ERCC6L: variants seen among roughly 807,000 people sequenced by gnomAD.
ERCC6L encodes DNA excision repair protein ERCC-6-like.
In ERCC6L, 7 loss-of-function variants were observed where a neutral mutation model predicts 20.1. The ratio of observed to expected loss-of-function variants is 0.35; its 90% CI spans 0.20 to 0.65. ERCC6L has a LOEUF of 0.65. Ranked by LOEUF, ERCC6L falls within the 30% of genes least tolerant of loss-of-function variation. The probability of loss-of-function intolerance (pLI) is 0.69; values close to 1 mark genes in which losing one functional copy is unlikely to be tolerated. For synonymous variants in ERCC6L, 278 were observed against 331.3 expected (o/e 0.84, Z 1.75); for missense variants, 592 against 892.4 (o/e 0.66, Z 4.29).
chrX:72,226,785 A>G (rs912345696), intron 1 of ERCC6L, among the ~76,000 whole-genome samples: 2 of 111,591 alleles, frequency 1.8e-5, no homozygotes, highest in Admixed American at 1.9e-4. Flanking sequence ...AACTAATCAC[A>G]GCGGGGGCAC....
At chrX:72,236,362 C>A (rs1438155999) in intron 1 of ERCC6L, among the ~76,000 whole-genome samples, 2 of 111,251 alleles carry the variant, frequency 1.8e-5, no homozygotes. Context: ...GCAGTGGCGC[C>A]ATCTCAGCTC....
At chrX:72,209,277 C>T (rs1287657100) in intron 1 of ERCC6L, among the ~76,000 whole-genome samples, 5 of 111,718 alleles carry the variant, frequency 4.5e-5, no homozygotes, top group African/African-American at 1.3e-4. Flanking sequence ...CACCTATGTG[C>T]TCATGACTCT....
rs368694497 is a variant in ERCC6L at position 72,206,288 on chromosome X, T to C, written c.2479A>G (p.Asn827Asp). The C allele has an allele frequency of 2.2e-5, 27 of 1,206,416 alleles. No individual in the cohort carries two copies. Among genetic ancestry groups the C allele is most frequent in the Non-Finnish European group, 3.0e-5 (27 of 893,702 alleles). The change falls in exon 2 of 2, where the codon AAC becomes GAC. Residue 827 changes from asparagine to aspartate, a missense_variant. This residue lies in a region of ERCC6L where 352 missense variants were observed against 402.6 expected (regional missense o/e 0.87). Coordinates refer to ENST00000334463, the MANE Select transcript of ERCC6L (RefSeq NM_017669.4). ...GFGSVEELCT[N>D]SSLGMEKSFA... ...CTTTTTTCCATTCCCAATGAAGAGTTAGTACAAAGTTCTTCTACACTTCCA... is the reference window on the plus strand; with the variant it reads ...CTTTTTTCCATTCCCAATGAAGAGTCAGTACAAAGTTCTTCTACACTTCCA...
chrX:72,227,875 C>T (rs1236760893), intron 1 of ERCC6L, among the ~76,000 whole-genome samples: 2 of 112,594 alleles, frequency 1.8e-5, no homozygotes, highest in East Asian at 2.8e-4. Flanking sequence ...ATCGGCCAGC[C>T]GTAATAAAGA....
At chrX:72,212,096 GA>G (rs1389710498) in intron 1 of ERCC6L, among the ~76,000 whole-genome samples, 1 of 109,968 alleles carries the variant, frequency 9.1e-6, no homozygotes, top group Admixed American at 9.7e-5. Flanking sequence ...CCAACATGGT[GA>G]AACCCCGTCT....
intron 1 of ERCC6L, among the ~76,000 whole-genome samples, chrX:72,218,060 G>A (rs2042897018): frequency 9.0e-6 from 1 of 110,754 alleles, no homozygotes; most frequent in Non-Finnish European, 1.9e-5. Flanking sequence ...CAGGAGGTCA[G>A]GAGATCGAGA....
chrX:72,231,174 G>A (rs1472355655), intron 1 of ERCC6L, among the ~76,000 whole-genome samples: 1 of 112,034 alleles, frequency 8.9e-6, no homozygotes, highest in Non-Finnish European at 1.9e-5. Context: ...AACAACCAAA[G>A]TCACCATCAA....
Position 72,238,929 on chromosome X carries a change from C to G in ERCC6L, c.-18G>C. 8.5e-7 allele frequency: 1 copy of G among 1,175,415 alleles called. No individual in the cohort carries two copies. Among genetic ancestry groups the G allele is most frequent in the Non-Finnish European group, 1.1e-6 (1 of 873,679 alleles). ...GCCTCCATGACCCTCGGATTGGGTT[C>G]CAGTTACCCCGGCGGGAGTTTGGAG... is the stretch of plus-strand genomic sequence containing the variant. On this transcript the variant is annotated 5_prime_UTR_variant, in exon 1 of 2. Coordinates refer to ENST00000334463, the MANE Select transcript of ERCC6L (RefSeq NM_017669.4).
intron 1 of ERCC6L, among the ~76,000 whole-genome samples, chrX:72,232,273 T>TAAA (rs56070381): frequency 9.8e-5 from 6 of 61,411 alleles, no homozygotes; most frequent in African/African-American, 1.5e-4. Flanking sequence ...GAAGGAGTAT[T>TAAA]AAAAAAAAAA....
Position 72,205,142 on chromosome X carries a change from C to T in ERCC6L, c.3625G>A (p.Glu1209Lys). ...DYETLVKRGK[E>K]LKECGKIQEA... The stretch of plus-strand genomic sequence containing the variant: ...TGGATTTTTCCACACTCTTTTAGTT[C>T]TTTTCCACGCTTTACAAGAGTCTCA... Residue 1209 changes from glutamate to lysine, a missense_variant, in exon 2 of 2, where the codon GAA (glutamate) becomes AAA (lysine). Physicochemically the swap from Glu to Lys is moderately conservative, Grantham distance 56. Around this residue, in one of 3 missense-constraint regions of ERCC6L, gnomAD observed 352 missense variants for 402.6 expected, o/e 0.87. Transcript: ENST00000334463. 8.3e-7 allele frequency: 1 copy of T among 1,211,328 alleles called. No individual in the cohort carries two copies. The highest frequency in any genetic ancestry group is 1.1e-6 in the Non-Finnish European group (1 of 895,418).
chrX:72,211,536 C>T (rs1419235074), intron 1 of ERCC6L, among the ~76,000 whole-genome samples: 1 of 111,909 alleles, frequency 8.9e-6, no homozygotes. Context: ...TCTCCCCAAA[C>T]ACGTGAGGAT....
intron 1 of ERCC6L, among the ~76,000 whole-genome samples, chrX:72,222,619 A>G (rs1363820006): frequency 3.5e-5 from 3 of 86,063 alleles, no homozygotes; most frequent in African/African-American, 1.4e-4. Context: ...TTTTTTTTAG[A>G]TGGAGTCTCA....
Position 72,208,371 on chromosome X carries a change from G to C in ERCC6L, c.396C>G (p.Ile132Met). ...CAAACATACCGGAAAGGAAAGCAAT[G>C]ATTTGAACAGTCTTCCCTAATCCCA... The part of the protein sequence containing the change: ...DDMGLGKTVQ[I>M]IAFLSGMFDA... The change falls in exon 2 of 2, where the codon ATC becomes ATG. Residue 132 changes from isoleucine (I) to methionine (M), a missense_variant. Physicochemically the swap from Ile to Met is conservative, Grantham distance 10. This residue lies in a region of ERCC6L where 196 missense variants were observed against 440.1 expected (regional missense o/e 0.45). Coordinates refer to ENST00000334463, the MANE Select transcript of ERCC6L (RefSeq NM_017669.4). 8.3e-7 allele frequency: 1 copy of C among 1,211,568 alleles called. No homozygotes were observed. The highest frequency in any genetic ancestry group is 1.1e-6 in the Non-Finnish European group (1 of 895,335).
chrX:72,205,447 A>G lies in ERCC6L; in HGVS notation c.3320T>C (p.Val1107Ala). 1 of 1,211,703 alleles carries G rather than the reference A, an allele frequency of 8.3e-7. No individual in the cohort carries two copies. Reference protein sequence around the residue: ...RSLINMVLDHVEDMEERLDDS... With the variant: ...RSLINMVLDHAEDMEERLDDS... ...GTCAAGTCTTTCCTCCATGTCCTCCACGTGGTCTAAAACCATATTAATAAG... is the reference window on the plus strand; with the variant it reads ...GTCAAGTCTTTCCTCCATGTCCTCCGCGTGGTCTAAAACCATATTAATAAG... The change falls in exon 2 of 2, where the codon GTG becomes GCG. Residue 1107 changes from valine to alanine, a missense_variant. Val to Ala is a moderately conservative substitution (Grantham distance 64). This residue lies in a region of ERCC6L where 352 missense variants were observed against 402.6 expected (regional missense o/e 0.87). Transcript: ENST00000334463.
chrX:72,205,067 G>A lies in ERCC6L; in HGVS notation c.3700C>T (p.Pro1234Ser), dbSNP rs749928252. 7.4e-5 allele frequency: 89 copies of A among 1,208,775 alleles called. 1 individual carries two copies. In the Admixed American group the frequency reaches 1.8e-3, roughly 25 times the overall value. Residue 1234 changes from proline to serine, a missense_variant, in exon 2 of 2, where the codon CCT becomes TCT. Physicochemically the swap from Pro to Ser is moderately conservative, Grantham distance 74 (BLOSUM62 -1). Transcript: ENST00000334463. The part of the protein sequence containing the change: ...VKALDIKSAD[P>S]EVMLLTLSLY... ...CTTAAAGTCAAGAGCATAACTTCAG[G>A]ATCTGCACTTTTTATGTCAAGCGCT...
intron 1 of ERCC6L, among the ~76,000 whole-genome samples, chrX:72,226,887 C>G (rs1280439943): frequency 9.0e-6 from 1 of 111,727 alleles, no homozygotes; most frequent in African/African-American, 3.3e-5. Flanking sequence ...ACAACCTCTT[C>G]CATACTAGCC....
intron 1 of ERCC6L, among the ~76,000 whole-genome samples, chrX:72,212,274 A>AT (rs2042859974): frequency 9.2e-6 from 1 of 108,650 alleles, no homozygotes; most frequent in African/African-American, 3.4e-5. Flanking sequence ...CATCTCAAAA[A>AT]AAATAATAAT....
chrX:72,217,293 G>T (rs2042891968), intron 1 of ERCC6L, among the ~76,000 whole-genome samples: 1 of 111,915 alleles, frequency 8.9e-6, no homozygotes, highest in South Asian at 3.7e-4. Context: ...CTTCCTGCCT[G>T]CTTGTATTCT....
At position 72,208,099 on chromosome X, in the gene ERCC6L, T is replaced by C; in HGVS notation, c.668A>G (p.Asp223Gly). 1 of 1,211,695 alleles carries C rather than the reference T, an allele frequency of 8.3e-7. No individual in the cohort carries two copies. The highest frequency in any genetic ancestry group is 1.1e-6 in the Non-Finnish European group (1 of 895,461). The change falls in exon 2 of 2, where the codon GAC becomes GGC. Residue 223 changes from aspartate to glycine, a missense_variant. Asp to Gly is a moderately conservative substitution (Grantham distance 94). Coordinates refer to ENST00000334463, the MANE Select transcript of ERCC6L (RefSeq NM_017669.4). ...SSFRGQEFVWDYVILDEAHKI... is the reference protein window; with the variant it reads ...SSFRGQEFVWGYVILDEAHKI... ...ATGTGCTTCATCGAGGATGACATAG[T>C]CCCACACAAACTCTTGGCCCCTAAA... is the stretch of plus-strand genomic sequence containing the variant.
Sources: gnomAD v4.1 joint callset for allele counts (sites outside exome capture counted in the v4.1 genomes callset) on GRCh38, gnomAD v4.1.1 for gene constraint, gnomAD v4.1.1 regional missense constraint, MANE v1.5 for transcripts, NCBI Gene and HGNC (gene_info 2026-07-23, HGNC 2026-07-21) for gene names.